The following UTRN variants were observed in gnomAD, a reference collection of about 807,000 sequenced individuals.
The protein encoded by UTRN is dystrophin-related protein 1.
A neutral mutation model predicts 463.9 loss-of-function variants in UTRN; 283 were observed. That is an observed-to-expected ratio of 0.61 (90% CI 0.55 to 0.67). The LOEUF (loss-of-function observed/expected upper bound fraction) is 0.67. UTRN is among the 30% of genes least tolerant of loss of function. The probability of loss-of-function intolerance (pLI) is 0.00; values close to 1 mark genes in which losing one functional copy is unlikely to be tolerated. For missense variants in UTRN, 3,922 were observed against 4,084.3 expected (o/e 0.96, Z 1.08); for synonymous variants, 1,442 against 1,431.5 (o/e 1.01, Z -0.17).
chr6:144,686,821 G>A (rs1436212523), intron 52 of UTRN, among the ~76,000 whole-genome samples: 1 of 151,844 alleles, frequency 6.6e-6, no homozygotes, highest in African/African-American at 2.4e-5. Context: ...GACACTTTGG[G>A]TGTTTTTATC....
chr6:144,843,607 T>A (rs1781778378), intron 73 of UTRN, among the ~76,000 whole-genome samples: 1 of 152,198 alleles, frequency 6.6e-6, no homozygotes, highest in Non-Finnish European at 1.5e-5. Flanking sequence ...GAGAGGAGTA[T>A]ACACAGTACC....
chr6:144,503,120 T>C (rs1294490381), intron 34 of UTRN, among the ~76,000 whole-genome samples: 1 of 152,216 alleles, frequency 6.6e-6, no homozygotes, highest in Non-Finnish European at 1.5e-5. Context: ...CTTGTAAATT[T>C]GTTGAATTTC....
At chr6:144,696,130 A>G (rs1188752694) in intron 52 of UTRN, among the ~76,000 whole-genome samples, 1 of 152,162 alleles carries the variant, frequency 6.6e-6, no homozygotes, top group Non-Finnish European at 1.5e-5. Context: ...ATGTTACCAC[A>G]TTTTACAGTG....
At chr6:144,733,066 G>T (rs1788942097) in intron 54 of UTRN, among the ~76,000 whole-genome samples, 2 of 152,024 alleles carry the variant, frequency 1.3e-5, no homozygotes, top group African/African-American at 4.8e-5. Context: ...GCAGCAATTA[G>T]GCATATAATT....
chr6:144,321,787 A>T lies in UTRN; in HGVS notation c.79+29880A>T, dbSNP rs1196797388. Among the ~76,000 whole-genome samples, 1,149 of 128,888 alleles carry T rather than the reference A, an allele frequency of 8.9e-3. 15 individuals carry two copies. Among genetic ancestry groups the T allele is most frequent in the African/African-American group, 0.032 (1,052 of 32,748 alleles). 84.6% of individuals were successfully genotyped at this position (128,888 alleles called of 152,430 possible). A position where few individuals can be genotyped will look rare whatever the true frequency, so the allele number is the denominator to read the frequency against. On this transcript the variant is annotated intron_variant, in intron 2 of 74. Transcript: ENST00000367545. ...GCCTGGCCTTTTTTTTTTTTTTGAG[A>T]TGGAGTTTTGCTCTATTTCCCAGGC...
rs199647950 is a variant in UTRN, at chr6:144,771,894, CT to C, written c.8496-5del. ...TTTTTGTTTATTTTTAAAATTTTAC[CT>C]TTTTTTTCCAGCCATCAAACACAGA... is the stretch of plus-strand genomic sequence containing the variant. On this transcript the variant is annotated splice_polypyrimidine_tract_variant and intron_variant, in intron 58 of 74. Transcript: ENST00000367545. 2.2e-5 allele frequency: 35 copies of C among 1,570,826 alleles called. No individual in the cohort carries two copies. The highest frequency in any genetic ancestry group is 8.1e-5 in the Admixed American group (4 of 49,284).
chr6:144,646,926 G>A (rs1020970932), intron 51 of UTRN, among the ~76,000 whole-genome samples: 1 of 152,144 alleles, frequency 6.6e-6, no homozygotes, highest in African/African-American at 2.4e-5. Context: ...ACCAGTGTGT[G>A]AGTTACTCAA....
intron 35 of UTRN, among the ~76,000 whole-genome samples, chr6:144,512,693 A>G (rs1189915661): frequency 6.6e-6 from 1 of 151,726 alleles, no homozygotes; most frequent in Non-Finnish European, 1.5e-5. Flanking sequence ...GGCATGCGCC[A>G]CCACACCCGG....
chr6:144,776,322 A>G (rs1775317224), intron 60 of UTRN, among the ~76,000 whole-genome samples: 1 of 152,120 alleles, frequency 6.6e-6, no homozygotes, highest in Non-Finnish European at 1.5e-5. Context: ...CTCTCACCTT[A>G]GTGACAAGTG....
At chr6:144,782,616 A>T (rs1227151343) in intron 61 of UTRN, among the ~76,000 whole-genome samples, 1 of 143,822 alleles carries the variant, frequency 7.0e-6, no homozygotes, top group African/African-American at 2.7e-5. Flanking sequence ...CATAGTGGTT[A>T]TGTGTGTGTG....
intron 48 of UTRN, 31 bp from the exon 49 acceptor site, chr6:144,554,657 A>ATT (rs58746549): frequency 0.013 from 20,231 of 1,595,644 alleles, 108 homozygotes; most frequent in Middle Eastern, 0.029. Context: ...ACATGTTGGG[A>ATT]TTTTTTTTTC....
intron 3 of UTRN, among the ~76,000 whole-genome samples, chr6:144,414,033 T>C (rs907362524): frequency 6.6e-6 from 1 of 151,904 alleles, no homozygotes; most frequent in Non-Finnish European, 1.5e-5. Flanking sequence ...GAACTCCTGA[T>C]CTCATGATCT....
At chr6:144,815,435 A>G (rs1335330746) in intron 65 of UTRN, among the ~76,000 whole-genome samples, 2 of 151,934 alleles carry the variant, frequency 1.3e-5, no homozygotes, top group African/African-American at 4.8e-5. Context: ...GTGAAGTCCC[A>G]CAGTAGGCTG....
intron 2 of UTRN, 111 bp from the exon 3 acceptor site, chr6:144,403,012 G>C: frequency 3.2e-6 from 3 of 932,068 alleles, no homozygotes; most frequent in Non-Finnish European, 5.0e-6. Context: ...CAAGGAGCTC[G>C]ACTAATAGGA....
chr6:144,694,169 G>C (rs931834485), intron 52 of UTRN, among the ~76,000 whole-genome samples: 1 of 151,692 alleles, frequency 6.6e-6, no homozygotes, highest in East Asian at 2.0e-4. Flanking sequence ...GTCTTGTTCT[G>C]TTTATGTGAA....
At chr6:144,641,676 A>G (rs1777781140) in intron 51 of UTRN, among the ~76,000 whole-genome samples, 1 of 152,206 alleles carries the variant, frequency 6.6e-6, no homozygotes, top group Non-Finnish European at 1.5e-5. Context: ...CCCTAAGGTA[A>G]TTATAGATTC....
intron 51 of UTRN, chr6:144,583,673 T>C (rs1311793089): frequency 2.1e-6 from 1 of 472,396 alleles, no homozygotes; most frequent in East Asian, 3.2e-5. Flanking sequence ...TAAAAACTAA[T>C]CTTTCAGGTT....
At position 144,516,954 on chromosome 6, in the gene UTRN, A is replaced by G. The variant is rs201094025; in HGVS notation, c.5541+6A>G. The stretch of plus-strand genomic sequence containing the variant: ...CTAGATACAACAAAATTAAGGTATT[A>G]TGATTGGAGAGTCTCTGTTGCATTT... On this transcript the variant is annotated splice_donor_region_variant and intron_variant, in intron 39 of 74. Coordinates refer to ENST00000367545, the MANE Select transcript of UTRN (RefSeq NM_007124.3). The G allele has an allele frequency of 4.8e-6, 7 of 1,461,780 alleles. No individual in the cohort carries two copies. Among genetic ancestry groups the G allele is most frequent in the East Asian group, 5.2e-5 (2 of 38,392 alleles). The allele number at this position is 1,461,780 out of a possible 1,614,324, so 90.6% of individuals were successfully genotyped here.
At chr6:144,828,670 A>G (rs1780402095) in intron 68 of UTRN, 120 bp from the exon 69 acceptor site, 5 of 983,686 alleles carry the variant, frequency 5.1e-6, no homozygotes, top group African/African-American at 3.2e-5. Flanking sequence ...GTGTTAGGAG[A>G]TTTGGATCTT....
Sources: gnomAD v4.1 joint callset for allele counts (sites outside exome capture counted in the v4.1 genomes callset) on GRCh38, gnomAD v4.1.1 for gene constraint, MANE v1.5 for transcripts, NCBI Gene and HGNC (gene_info 2026-07-23, HGNC 2026-07-21) for gene names.